Variants in SMG9 observed in about 807,000 individuals in gnomAD.
The protein encoded by SMG9 is nonsense-mediated mRNA decay factor SMG9.
In SMG9, 55 loss-of-function variants were observed where a neutral mutation model predicts 64.0. That is an observed-to-expected ratio of 0.86 (90% CI 0.69 to 1.08). The LOEUF (loss-of-function observed/expected upper bound fraction) is 1.08, where lower values mean the gene tolerates loss of function less well. Among genes scored for constraint, SMG9 ranks in the 50% least tolerant of loss-of-function variants. SMG9 has a pLI of 0.00. For synonymous variants in SMG9, 244 were observed against 254.8 expected, an observed-to-expected ratio of 0.96 and a Z score of 0.41; for missense variants, 554 against 681.3, an observed-to-expected ratio of 0.81 and a Z score of 2.08.
chr19:43,733,088 C>T, intron 12 of SMG9, 86 bp from the exon 13 acceptor site: 1 of 1,485,870 alleles, frequency 6.7e-7, no homozygotes. Flanking sequence ...TCAAGGAGCA[C>T]CTGAGAGTTC....
intron 2 of SMG9, 119 bp downstream of exon 2, chr19:43,750,473 T>G (rs1278593236): frequency 1.8e-6 from 2 of 1,140,126 alleles, no homozygotes; most frequent in African/African-American, 3.1e-5. Flanking sequence ...TCTTTATCCA[T>G]GAGGGTGGTA....
chr19:43,735,051 T>A (rs1213092022), intron 9 of SMG9, among the ~76,000 whole-genome samples: 1 of 152,178 alleles, frequency 6.6e-6, no homozygotes, highest in Non-Finnish European at 1.5e-5. Flanking sequence ...CCTCCCTCTC[T>A]CCAACCCCTG....
At chr19:43,744,406 G>A (rs1002048291) in intron 6 of SMG9, among the ~76,000 whole-genome samples, 5 of 152,094 alleles carry the variant, frequency 3.3e-5, no homozygotes, top group African/African-American at 1.2e-4. Context: ...CCTGGACAGG[G>A]GATACGGGAA....
intron 6 of SMG9, among the ~76,000 whole-genome samples, chr19:43,741,719 A>C (rs1968851133): frequency 6.6e-6 from 1 of 152,188 alleles, no homozygotes; most frequent in Non-Finnish European, 1.5e-5. Flanking sequence ...TGCCCATGCC[A>C]GTCCCTTTCA....
Position 43,730,596 on chromosome 19 carries a change from C to CTGT in SMG9, c.*997_*999dup, listed in dbSNP as rs1343896473. 2 of 150,772 alleles carry CTGT rather than the reference C, an allele frequency of 1.3e-5. No individual in the cohort carries two copies. Among genetic ancestry groups the CTGT allele is most frequent in the Non-Finnish European group, 2.9e-5 (2 of 67,864 alleles). 9.3% of individuals were successfully genotyped at this position (150,772 alleles called of 1,614,324 possible). ...TTTTTTTTTGAGACGGAGTCTCGCT[C>CTGT]TGTTGCCCAAGCTGGAGAGTGCAGT... On this transcript the variant is annotated 3_prime_UTR_variant, in exon 14 of 14. Transcript: ENST00000270066.
chr19:43,734,173 AG>A, intron 10 of SMG9: 1 of 576,786 alleles, frequency 1.7e-6, no homozygotes, highest in South Asian at 2.1e-5. Context: ...ACACAGGCTC[AG>A]GGGTCATGCC....
At chr19:43,754,515 T>C (rs571310471) in intron 1 of SMG9, 139 bp downstream of exon 1, 1 of 152,200 alleles carries the variant, frequency 6.6e-6, no homozygotes, top group African/African-American at 2.4e-5. Flanking sequence ...GAATTGACGG[T>C]CGCCGGCCCC....
In SMG9 at chr19:43,731,044, T is replaced by C; in HGVS notation, c.*552A>G. 1.1e-6 allele frequency: 1 copy of C among 888,504 alleles called. No homozygotes were observed. Among genetic ancestry groups the C allele is most frequent in the Non-Finnish European group, 1.3e-6 (1 of 741,626 alleles). The allele number at this position is 888,504 out of a possible 1,614,324, so 55.0% of individuals were successfully genotyped here. A position where few individuals can be genotyped will look rare whatever the true frequency, so the allele number is the denominator to read the frequency against. ...AAACAGAATAACCCCTTCTAGGGAC[T>C]TCTTAGCAGAGACTGATCTCCATCT... is the stretch of plus-strand genomic sequence containing the variant. On this transcript the variant is annotated 3_prime_UTR_variant, in exon 14 of 14. Coordinates refer to ENST00000270066, the MANE Select transcript of SMG9 (RefSeq NM_019108.4).
In SMG9 at chr19:43,731,630, G is replaced by C. The variant is rs1345615976; in HGVS notation, c.1529C>G (p.Ser510Cys). Residue 510 changes from serine to cysteine, a missense_variant, in exon 14 of 14, where the codon TCT (serine) becomes TGT (cysteine). Ser to Cys is a moderately radical substitution (Grantham distance 112). Coordinates refer to ENST00000270066, the MANE Select transcript of SMG9 (RefSeq NM_019108.4). Reference protein sequence around the residue: ...ARIWDGVRKSSALAEYSRLLA With the variant: ...ARIWDGVRKSCALAEYSRLLA The stretch of plus-strand genomic sequence containing the variant: ...CAGGCGGCTGTACTCTGCCAGAGCA[G>C]AGGACTTTCTCACCCCATCCCAGAT... The C allele has an allele frequency of 6.2e-7, 1 of 1,614,248 alleles. No homozygotes were observed. The highest frequency in any genetic ancestry group is 8.5e-7 in the Non-Finnish European group (1 of 1,180,042).
chr19:43,754,574 C>G (rs1969295359), intron 1 of SMG9, 80 bp downstream of exon 1: 1 of 152,132 alleles, frequency 6.6e-6, no homozygotes, highest in African/African-American at 2.4e-5. Flanking sequence ...CTTTCAATGG[C>G]CAAGGCGGGG....
chr19:43,745,791 C>A (rs568199820), intron 5 of SMG9, among the ~76,000 whole-genome samples: 7 of 152,136 alleles, frequency 4.6e-5, no homozygotes, highest in Admixed American at 3.9e-4. Context: ...CACCTGAGGT[C>A]GGGAGTTACA....
At chr19:43,746,596 G>T (rs1048222388) in intron 5 of SMG9, among the ~76,000 whole-genome samples, 1 of 152,116 alleles carries the variant, frequency 6.6e-6, no homozygotes, top group South Asian at 2.1e-4. Flanking sequence ...CAGGCTGCTG[G>T]GTAGGAGAGG....
chr19:43,735,500 C>G (rs1382145263), intron 9 of SMG9, among the ~76,000 whole-genome samples: 1 of 151,756 alleles, frequency 6.6e-6, no homozygotes, highest in African/African-American at 2.4e-5. Flanking sequence ...CACCTGTAGT[C>G]CCAGCTACTT....
rs781496953 is a variant in SMG9, at chr19:43,750,612, G to A, written c.130C>T (p.Pro44Ser). The A allele has an allele frequency of 4.3e-6, 7 of 1,613,128 alleles. No individual in the cohort carries two copies. The highest frequency in any genetic ancestry group is 5.9e-6 in the Non-Finnish European group (7 of 1,179,696). The change falls in exon 2 of 14, where the codon CCA becomes TCA. Residue 44 changes from proline (P) to serine (S), a missense_variant. Coordinates refer to ENST00000270066, the MANE Select transcript of SMG9 (RefSeq NM_019108.4). Reference sequence around the variant, plus strand: ...CTCACCCTTCTCTCTCTTTCCCATGGTGCAATGTAGTCCCTCTCCCGACCA... The same window carrying A: ...CTCACCCTTCTCTCTCTTTCCCATGATGCAATGTAGTCCCTCTCCCGACCA... The part of the protein sequence containing the change: ...PGGRERDYIA[P>S]WERERRDASE...
At position 43,753,720 on chromosome 19, in the gene SMG9, CAA is replaced by C. The variant is rs199615023; in HGVS notation, c.-7+932_-7+933del. Among the ~76,000 whole-genome samples the C allele has an allele frequency of 3.5e-3, 536 of 152,150 alleles. 3 individuals are homozygous for C. The highest frequency in any genetic ancestry group is 0.012 in the African/African-American group (496 of 41,536). On this transcript the variant is annotated intron_variant, in intron 1 of 13. Coordinates refer to ENST00000270066, the MANE Select transcript of SMG9 (RefSeq NM_019108.4). ...AAGTGATTCGCCAGCCTCGGTCTCC[CAA>C]AGTGATCGGATTCCCCGGGTAAGCC...
chr19:43,748,031 T>G lies in SMG9; in HGVS notation c.172A>C (p.Thr58Pro). ...ERRDASEETS[T>P]SVMQKTPIIL... ...ATGGGGGTTTTCTGCATGACGGAAG[T>G]GCTTGTCTCTTCGCTGGCATCCTGT... Residue 58 changes from threonine (T) to proline (P), a missense_variant, in exon 3 of 14, where the codon ACT becomes CCT. Physicochemically the swap from Thr to Pro is conservative, Grantham distance 38. Transcript: ENST00000270066. 6.2e-7 allele frequency: 1 copy of G among 1,611,974 alleles called. No homozygotes were observed. The highest frequency in any genetic ancestry group is 8.5e-7 in the Non-Finnish European group (1 of 1,178,984).
rs750775813 is a variant in SMG9, at chr19:43,732,960, C to G, written c.1382G>C (p.Arg461Pro). ...CAAGGACTGGAAACTGGGGTGGCCA[C>G]GATACCCAGGCAGCAGGGAGAAGAG... Reference protein sequence around the residue: ...SPLFSLLPGYRGHPSFQSLVS... With the variant: ...SPLFSLLPGYPGHPSFQSLVS... The change falls in exon 13 of 14, where the codon CGT becomes CCT. Residue 461 changes from arginine (R) to proline (P), a missense_variant. Transcript: ENST00000270066. 1 of 1,613,588 alleles carries G rather than the reference C, an allele frequency of 6.2e-7. No homozygotes were observed. The highest frequency in any genetic ancestry group is 1.1e-5 in the South Asian group (1 of 91,054).
At chr19:43,739,678 G>A (rs1200645373) in intron 7 of SMG9, 1 of 182,356 alleles carries the variant, frequency 5.5e-6, no homozygotes, top group Non-Finnish European at 1.2e-5. Flanking sequence ...CTAACCTTGT[G>A]CCAGGTCCTG....
Position 43,731,092 on chromosome 19 carries a change from A to G in SMG9, c.*504T>C, listed in dbSNP as rs897650400. ...TCTGCCCGCAAGGGCTGGGTGTCCAATTTGTCCTGCTTCCCAGAGCTGCAT... is the reference window on the plus strand; with the variant it reads ...TCTGCCCGCAAGGGCTGGGTGTCCAGTTTGTCCTGCTTCCCAGAGCTGCAT... On this transcript the variant is annotated 3_prime_UTR_variant, in exon 14 of 14. Coordinates refer to ENST00000270066, the MANE Select transcript of SMG9 (RefSeq NM_019108.4). 4.1e-6 allele frequency: 4 copies of G among 985,504 alleles called. No individual in the cohort carries two copies. The highest frequency in any genetic ancestry group is 5.2e-4 in the Middle Eastern group (1 of 1,936). The allele number at this position is 985,504 out of a possible 1,614,324, so 61.0% of individuals were successfully genotyped here.
Sources: allele counts gnomAD v4.1 joint callset (sites outside exome capture counted in the v4.1 genomes callset), GRCh38; gene constraint gnomAD v4.1.1; transcripts MANE v1.5; gene names NCBI Gene and HGNC (gene_info 2026-07-23, HGNC 2026-07-21).